ADAMTSL1: variants seen among roughly 807,000 people sequenced by gnomAD.
The protein encoded by ADAMTSL1 is ADAMTS like 1.
In ADAMTSL1, 126 loss-of-function variants were observed where a neutral mutation model predicts 201.8. The ratio of observed to expected loss-of-function variants is 0.62; its 90% CI spans 0.54 to 0.72. The LOEUF (loss-of-function observed/expected upper bound fraction) is 0.72, where lower values mean the gene tolerates loss of function less well. Among genes scored for constraint, ADAMTSL1 ranks in the 30% least tolerant of loss-of-function variants. The probability of loss-of-function intolerance (pLI) is 0.00; values close to 1 mark genes in which losing one functional copy is unlikely to be tolerated. For missense variants in ADAMTSL1, 2,679 were observed against 2,277.8 expected (o/e 1.18, Z -3.59); for synonymous variants, 1,121 against 903.4 (o/e 1.24, Z -4.32).
intron 1 of ADAMTSL1, among the ~76,000 whole-genome samples, chr9:18,492,964 A>G (rs1822339867): frequency 6.6e-6 from 1 of 152,210 alleles, no homozygotes; most frequent in East Asian, 1.9e-4. Flanking sequence ...TTTTAAAATT[A>G]AAAGTGCTCA....
intron 2 of ADAMTSL1, among the ~76,000 whole-genome samples, chr9:18,310,420 C>T (rs1319331783): frequency 8.4e-6 from 1 of 118,672 alleles, no homozygotes; most frequent in African/African-American, 3.1e-5. Context: ...AGTGAACAGG[C>T]AACCTATAGA....
intron 2 of ADAMTSL1, among the ~76,000 whole-genome samples, chr9:18,173,279 G>T (rs188455152): frequency 6.6e-6 from 1 of 152,020 alleles, no homozygotes; most frequent in Non-Finnish European, 1.5e-5. Flanking sequence ...AAGTGACAAC[G>T]CTCGGTGCCC....
chr9:18,525,724 G>T (rs1002270927), intron 2 of ADAMTSL1, among the ~76,000 whole-genome samples: 2 of 152,170 alleles, frequency 1.3e-5, no homozygotes, highest in Admixed American at 1.3e-4. Context: ...TCAGGAGCAG[G>T]TTGTTCAGTT....
At chr9:18,553,141 T>A (rs1820888287) in intron 3 of ADAMTSL1, among the ~76,000 whole-genome samples, 1 of 151,442 alleles carries the variant, frequency 6.6e-6, no homozygotes, top group South Asian at 2.1e-4. Context: ...TCTTACTTTC[T>A]GATCTCTAGT....
At chr9:17,950,071 G>C (rs2840781) in intron 1 of ADAMTSL1, among the ~76,000 whole-genome samples, 1 of 152,082 alleles carries the variant, frequency 6.6e-6, no homozygotes, top group Admixed American at 6.5e-5. Context: ...GGCATGCACC[G>C]CCACTGCCAG....
At chr9:18,643,199 C>A (rs1827560231) in intron 7 of ADAMTSL1, among the ~76,000 whole-genome samples, 1 of 151,968 alleles carries the variant, frequency 6.6e-6, no homozygotes, top group Non-Finnish European at 1.5e-5. Context: ...TTAAATATGC[C>A]TGTTGGCCAT....
intron 2 of ADAMTSL1, among the ~76,000 whole-genome samples, chr9:18,399,320 TATATATATAA>T (rs1192624374): frequency 2.3e-5 from 3 of 129,862 alleles, no homozygotes; most frequent in African/African-American, 5.8e-5. Flanking sequence ...TATATATATA[TATATATATAA>T]AATTATTATT....
chr9:17,988,423 C>A (rs1819010574), intron 1 of ADAMTSL1, among the ~76,000 whole-genome samples: 1 of 151,940 alleles, frequency 6.6e-6, no homozygotes, highest in South Asian at 2.1e-4. Flanking sequence ...AGCAGATGGC[C>A]CCTCAGTGAA....
intron 2 of ADAMTSL1, among the ~76,000 whole-genome samples, chr9:18,185,630 A>G (rs1414169291): frequency 6.6e-6 from 1 of 152,214 alleles, no homozygotes; most frequent in East Asian, 1.9e-4. Context: ...GCAACGAGAG[A>G]AGAGACAACT....
chr9:18,830,373 G>A (rs1429491571), intron 23 of ADAMTSL1, among the ~76,000 whole-genome samples: 4 of 152,108 alleles, frequency 2.6e-5, no homozygotes, highest in Non-Finnish European at 5.9e-5. Flanking sequence ...ACCTAAACTA[G>A]AGCAATAATC....
chr9:18,582,220 A>G (rs1587631636), intron 4 of ADAMTSL1, among the ~76,000 whole-genome samples: 1 of 152,168 alleles, frequency 6.6e-6, no homozygotes, highest in East Asian at 1.9e-4. Flanking sequence ...TAAGCTGAAA[A>G]TGTTTCAAAT....
chr9:18,526,090 A>C (rs202031543), intron 2 of ADAMTSL1, among the ~76,000 whole-genome samples: 1 of 152,110 alleles, frequency 6.6e-6, no homozygotes, highest in Admixed American at 6.6e-5. Flanking sequence ...TCTCTTTGTA[A>C]GTCTCTAAGG....
chr9:18,822,066 T>C (rs908252392), intron 21 of ADAMTSL1, among the ~76,000 whole-genome samples: 1 of 152,082 alleles, frequency 6.6e-6, no homozygotes, highest in Non-Finnish European at 1.5e-5. Context: ...CAGGGGAAAA[T>C]GCAAACGTGG....
intron 7 of ADAMTSL1, among the ~76,000 whole-genome samples, chr9:18,644,259 T>C (rs1159756341): frequency 6.6e-6 from 1 of 152,044 alleles, no homozygotes; most frequent in Non-Finnish European, 1.5e-5. Context: ...TGATTAGTTC[T>C]AAAAGTTTTT....
intron 23 of ADAMTSL1, among the ~76,000 whole-genome samples, chr9:18,852,721 C>T (rs1486176270): frequency 6.6e-6 from 1 of 152,156 alleles, no homozygotes; most frequent in African/African-American, 2.4e-5. Context: ...GCACTATGAT[C>T]AAACCACATA....
intron 3 of ADAMTSL1, among the ~76,000 whole-genome samples, chr9:18,564,276 C>T (rs376882638): frequency 6.4e-4 from 97 of 152,316 alleles, no homozygotes; most frequent in African/African-American, 2.3e-3. Flanking sequence ...AGTTCCTCAA[C>T]CCGTTGCACT....
At chr9:18,660,903 T>C (rs1286633628) in intron 8 of ADAMTSL1, among the ~76,000 whole-genome samples, 1 of 152,198 alleles carries the variant, frequency 6.6e-6, no homozygotes, top group Non-Finnish European at 1.5e-5. Flanking sequence ...AACCTCCTTC[T>C]GATTTCCTAA....
chr9:18,290,769 C>CTTTTTTT lies in ADAMTSL1; in HGVS notation c.207+126789_207+126795dup, dbSNP rs1345749640. Among the ~76,000 whole-genome samples, 20 of 82,746 alleles carry CTTTTTTT rather than the reference C, an allele frequency of 2.4e-4. No individual in the cohort carries two copies. The South Asian group carries it at 9.5e-3, about 39-fold the overall frequency. 54.3% of individuals were successfully genotyped at this position (82,746 alleles called of 152,430 possible). On this transcript the variant is annotated intron_variant, in intron 2 of 29. Transcript: ENST00000680146. ...GTAAGGGCTCAGGGTTGAAAGCTGG[C>CTTTTTTT]TTTTTTTGTGTGTTTTTTTTTTTTT...
At chr9:18,670,842 T>C (rs907037888) in intron 9 of ADAMTSL1, among the ~76,000 whole-genome samples, 16 of 152,266 alleles carry the variant, frequency 1.1e-4, no homozygotes, top group African/African-American at 3.4e-4. Context: ...TCAGTATCCA[T>C]GGGGGATTGG....
Sources: gnomAD v4.1 joint callset for allele counts (sites outside exome capture counted in the v4.1 genomes callset) on GRCh38, gnomAD v4.1.1 for gene constraint, MANE v1.5 for transcripts, NCBI Gene and HGNC (gene_info 2026-07-23, HGNC 2026-07-21) for gene names.